Variants in ZFTRAF1 observed in about 807,000 individuals in gnomAD.
ZFTRAF1 encodes the protein zinc finger TRAF-type and ring finger containing 1.
At chr8:144,461,692 C>A in the ZFTRAF1 span, among the ~76,000 whole-genome samples, 1 of 152,166 alleles carries the variant, frequency 6.6e-6, no homozygotes, top group Non-Finnish European at 1.5e-5. Context: ...TGGTTCATCC[C>A]GACAAACAGC....
the ZFTRAF1 span, chr8:144,450,300 A>G: frequency 1.1e-5 from 7 of 662,492 alleles, no homozygotes; most frequent in South Asian, 1.2e-4. Context: ...AGTCCTGTGA[A>G]GCAGCTGCCA....
the ZFTRAF1 span, chr8:144,450,913 G>A: frequency 1.7e-6 from 1 of 596,848 alleles, no homozygotes; most frequent in Non-Finnish European, 3.0e-6. Context: ...CTTGTCACAA[G>A]CAAGCCAAAC....
chr8:144,452,252 C>T, the ZFTRAF1 span: 272 of 1,264,570 alleles, frequency 2.2e-4, 1 homozygote, highest in South Asian at 9.0e-4. Flanking sequence ...CCCGGCTGTC[C>T]GGCGCTGTCA....
the ZFTRAF1 span, chr8:144,457,084 G>C: frequency 1.3e-5 from 2 of 151,658 alleles, no homozygotes; most frequent in African/African-American, 4.9e-5. Flanking sequence ...CATTAAAAGA[G>C]GTATTGACAT....
the ZFTRAF1 span, among the ~76,000 whole-genome samples, chr8:144,462,105 G>A: frequency 6.6e-6 from 1 of 152,194 alleles, no homozygotes; most frequent in African/African-American, 2.4e-5. Context: ...AGACAACGAG[G>A]AGCTTCGGAG....
chr8:144,459,722 G>T, the ZFTRAF1 span, among the ~76,000 whole-genome samples: 8 of 152,210 alleles, frequency 5.3e-5, no homozygotes, highest in African/African-American at 1.9e-4. Context: ...CAGTGCCAGG[G>T]AGAACACACA....
chr8:144,456,888 A>C, the ZFTRAF1 span: 1 of 148,886 alleles, frequency 6.7e-6, no homozygotes, highest in East Asian at 2.0e-4. Flanking sequence ...ACATCACGGA[A>C]TGACATCACA....
At chr8:144,462,159 C>CA in the ZFTRAF1 span, 3 of 370,834 alleles carry the variant, frequency 8.1e-6, no homozygotes, top group East Asian at 4.3e-5. Flanking sequence ...CTGTAAGGGC[C>CA]AGAGAGGGTT....
chr8:144,459,651 C>T, the ZFTRAF1 span, among the ~76,000 whole-genome samples: 1 of 152,240 alleles, frequency 6.6e-6, no homozygotes, highest in African/African-American at 2.4e-5. Flanking sequence ...GGATGACAAG[C>T]TCTCGAGTTA....
the ZFTRAF1 span, chr8:144,451,979 G>A: frequency 3.1e-6 from 1 of 322,704 alleles, no homozygotes; most frequent in South Asian, 2.9e-5. Flanking sequence ...CAGGGTCCGA[G>A]GGGCAGGCCC....
chr8:144,452,449 G>A, the ZFTRAF1 span: 7 of 1,549,768 alleles, frequency 4.5e-6, no homozygotes, highest in Middle Eastern at 1.7e-4. Flanking sequence ...ATCCCATCCA[G>A]GATCTCCATC....
the ZFTRAF1 span, chr8:144,455,982 C>G: frequency 1.3e-5 from 2 of 152,304 alleles, no homozygotes; most frequent in African/African-American, 2.4e-5. Context: ...TCAGTCAATT[C>G]CATACCATGA....
At chr8:144,458,397 A>C in the ZFTRAF1 span, among the ~76,000 whole-genome samples, 3 of 152,262 alleles carry the variant, frequency 2.0e-5, no homozygotes, top group Admixed American at 6.5e-5. Flanking sequence ...ACCTAAGCAG[A>C]CGTATTTACA....
chr8:144,462,698 G>A, the ZFTRAF1 span: 2 of 141,306 alleles, frequency 1.4e-5, no homozygotes, highest in African/African-American at 5.2e-5. Flanking sequence ...GCGCTCCCCC[G>A]ACTAGAAGTT....
the ZFTRAF1 span, chr8:144,453,253 C>T: frequency 6.4e-7 from 1 of 1,551,034 alleles, no homozygotes. Flanking sequence ...TGGTGCCTCT[C>T]CAGGAGGGAG....
the ZFTRAF1 span, among the ~76,000 whole-genome samples, chr8:144,458,773 G>A: frequency 6.6e-6 from 1 of 152,210 alleles, no homozygotes; most frequent in Non-Finnish European, 1.5e-5. Context: ...AAGTGGGGGC[G>A]CTGCCTCTGC....
the ZFTRAF1 span, chr8:144,454,463 A>G: frequency 6.6e-6 from 1 of 152,470 alleles, no homozygotes; most frequent in African/African-American, 2.4e-5. Flanking sequence ...AGTGACAGGG[A>G]TGTGATGTGC....
At chr8:144,450,646 G>C in the ZFTRAF1 span, 2 of 717,788 alleles carry the variant, frequency 2.8e-6, no homozygotes, top group Admixed American at 4.0e-5. Flanking sequence ...ACAGGTTGGG[G>C]TTACGCTCCG....
the ZFTRAF1 span, chr8:144,453,799 C>G: frequency 1.5e-5 from 4 of 262,950 alleles, no homozygotes; most frequent in Non-Finnish European, 3.0e-5. Flanking sequence ...TGCCCTGACC[C>G]CCCTACAGGT....
Sources: allele counts gnomAD v4.1 joint callset (sites outside exome capture counted in the v4.1 genomes callset), GRCh38; gene constraint gnomAD v4.1.1; transcripts MANE v1.5; gene names NCBI Gene and HGNC (gene_info 2026-07-23, HGNC 2026-07-21).